The following TMEM161B variants were observed in gnomAD, a reference collection of about 807,000 sequenced individuals.
TMEM161B encodes transmembrane protein 161B.
TMEM161B carries 34 observed loss-of-function variants against 61.8 expected under a neutral mutation model. The observed-to-expected ratio is 0.55, with a 90% CI of 0.42 to 0.73. TMEM161B has a LOEUF of 0.73. Ranked by LOEUF, TMEM161B falls within the 30% of genes least tolerant of loss-of-function variation. TMEM161B has a pLI of 0.00. For missense variants in TMEM161B, 456 were observed against 558.5 expected (o/e 0.82, Z 1.85); for synonymous variants, 167 against 192.8 (o/e 0.87, Z 1.11).
At position 88,228,363 on chromosome 5, in the gene TMEM161B, T is replaced by C. The variant is rs1263503481; in HGVS notation, c.191+82A>G. 2.2e-5 allele frequency: 23 copies of C among 1,050,426 alleles called. No individual in the cohort carries two copies. The East Asian group carries it at 4.5e-4, about 21-fold the overall frequency. The allele number at this position is 1,050,426 out of a possible 1,614,324, so 65.1% of individuals were successfully genotyped here. On this transcript the variant is annotated intron_variant, in intron 3 of 11. Transcript: ENST00000296595. Reference sequence around the variant, plus strand: ...AACTACTTACAACATAATTGGTACATGTTTCTTTAATCAAAGCATAAAAAT... The same window carrying C: ...AACTACTTACAACATAATTGGTACACGTTTCTTTAATCAAAGCATAAAAAT...
At chr5:88,261,730 CAAAA>C (rs70996464) in intron 1 of TMEM161B, among the ~76,000 whole-genome samples, 2 of 49,290 alleles carry the variant, frequency 4.1e-5, no homozygotes, top group African/African-American at 9.0e-5. Context: ...CATTCATGTG[CAAAA>C]AAAAAAAAAA....
chr5:88,251,653 C>T (rs1318386211), intron 1 of TMEM161B, among the ~76,000 whole-genome samples: 1 of 152,024 alleles, frequency 6.6e-6, no homozygotes, highest in Non-Finnish European at 1.5e-5. Context: ...CATAATTTTG[C>T]AAAGGTAGTT....
chr5:88,211,136 A>C (rs892875993), intron 5 of TMEM161B, among the ~76,000 whole-genome samples: 1 of 152,114 alleles, frequency 6.6e-6, no homozygotes, highest in Non-Finnish European at 1.5e-5. Flanking sequence ...GATGTATTAG[A>C]GTATCACATC....
chr5:88,205,899 T>A lies in TMEM161B; in HGVS notation c.715A>T (p.Ile239Phe), dbSNP rs757415563. The change falls in exon 8 of 12, where the codon ATT (isoleucine) becomes TTT (phenylalanine). Residue 239 changes from isoleucine (I) to phenylalanine (F), a missense_variant. Transcript: ENST00000296595. ...CCAGGAAATGTCAAAAAAGCCCCAATGAATGAACAGAAAATAGCCAGGAAA... is the reference window on the plus strand; with the variant it reads ...CCAGGAAATGTCAAAAAAGCCCCAAAGAATGAACAGAAAATAGCCAGGAAA... ...KFFLAIFCSF[I>F]GAFLTFPGLR... The A allele has an allele frequency of 1.2e-6, 2 of 1,612,546 alleles. No homozygotes were observed. Among genetic ancestry groups the A allele is most frequent in the South Asian group, 2.2e-5 (2 of 90,704 alleles).
At chr5:88,213,379 T>C (rs1396283111) in intron 5 of TMEM161B, among the ~76,000 whole-genome samples, 2 of 152,082 alleles carry the variant, frequency 1.3e-5, no homozygotes, top group East Asian at 1.9e-4. Context: ...GCAGTTTCCA[T>C]TACTTTAATT....
intron 1 of TMEM161B, among the ~76,000 whole-genome samples, chr5:88,243,016 GAAAA>G (rs1254311486): frequency 6.6e-6 from 1 of 151,464 alleles, no homozygotes; most frequent in Non-Finnish European, 1.5e-5. Flanking sequence ...ATTTAAAAAA[GAAAA>G]AATATGTACA....
intron 6 of TMEM161B, 66 bp from the exon 7 acceptor site, chr5:88,206,565 C>T (rs2112418457): frequency 2.2e-6 from 3 of 1,383,908 alleles, no homozygotes; most frequent in Admixed American, 5.1e-5. Context: ...AGAATCTTTC[C>T]ATGGAAATAA....
chr5:88,187,056 T>C (rs1748396605), downstream of TMEM161B, among the ~76,000 whole-genome samples: 1 of 152,230 alleles, frequency 6.6e-6, no homozygotes, highest in Non-Finnish European at 1.5e-5. Context: ...GAGGTGGGGA[T>C]TGAGGTTCAT....
At chr5:88,221,866 A>G (rs1580489230) in intron 4 of TMEM161B, 2 of 410,942 alleles carry the variant, frequency 4.9e-6, no homozygotes, top group East Asian at 1.4e-4. Context: ...GTCATGAAAT[A>G]TAATGCAATT....
chr5:88,263,623 G>A (rs984370622), intron 1 of TMEM161B, among the ~76,000 whole-genome samples: 1 of 152,022 alleles, frequency 6.6e-6, no homozygotes, highest in Non-Finnish European at 1.5e-5. Flanking sequence ...TTACTAACAT[G>A]GGCAAAACCA....
At chr5:88,225,113 G>A (rs574596822) in intron 4 of TMEM161B, among the ~76,000 whole-genome samples, 3 of 151,760 alleles carry the variant, frequency 2.0e-5, no homozygotes, top group Non-Finnish European at 2.9e-5. Flanking sequence ...GACTACAGGC[G>A]CCTGCCACCA....
intron 4 of TMEM161B, chr5:88,221,512 T>C (rs1013059158): frequency 1.0e-5 from 3 of 290,398 alleles, no homozygotes; most frequent in Non-Finnish European, 2.1e-5. Flanking sequence ...AAAAATAAAA[T>C]AATAAACTAA....
At chr5:88,219,111 A>G (rs757993189) in intron 5 of TMEM161B, among the ~76,000 whole-genome samples, 1 of 152,196 alleles carries the variant, frequency 6.6e-6, no homozygotes, top group East Asian at 1.9e-4. Flanking sequence ...AACTCTACTC[A>G]AGATGAAATT....
chr5:88,196,009 A>G lies in TMEM161B; in HGVS notation c.*202T>C. Reference sequence around the variant, plus strand: ...TAAAATTCCAATGCCACAGTGTAACAGTTAACAATCTATTTTGTAATTTTA... The same window carrying G: ...TAAAATTCCAATGCCACAGTGTAACGGTTAACAATCTATTTTGTAATTTTA... On this transcript the variant is annotated 3_prime_UTR_variant, in exon 12 of 12. Coordinates refer to ENST00000296595, the MANE Select transcript of TMEM161B (RefSeq NM_153354.5). 7.4e-7 allele frequency: 1 copy of G among 1,359,280 alleles called. No individual in the cohort carries two copies. Among genetic ancestry groups the G allele is most frequent in the Middle Eastern group, 2.7e-4 (1 of 3,646 alleles). The allele number at this position is 1,359,280 out of a possible 1,614,324, so 84.2% of individuals were successfully genotyped here. A position where few individuals can be genotyped will look rare whatever the true frequency, so the allele number is the denominator to read the frequency against.
chr5:88,231,432 G>A (rs1167973383), intron 2 of TMEM161B, among the ~76,000 whole-genome samples: 1 of 152,170 alleles, frequency 6.6e-6, no homozygotes, highest in African/African-American at 2.4e-5. Flanking sequence ...AGTATACTCA[G>A]TTGGTTTCAG....
chr5:88,211,802 T>C (rs1580422617), intron 5 of TMEM161B, among the ~76,000 whole-genome samples: 1 of 146,592 alleles, frequency 6.8e-6, no homozygotes, highest in Non-Finnish European at 1.5e-5. Context: ...CAAAAACTGA[T>C]GATGAGAGGT....
intron 9 of TMEM161B, chr5:88,202,505 CA>C (rs1744615346): frequency 5.4e-6 from 1 of 184,530 alleles, no homozygotes; most frequent in Non-Finnish European, 1.1e-5. Flanking sequence ...TAATTTACTT[CA>C]AAAATCCTTC....
chr5:88,268,558 G>A (rs919281319), intron 1 of TMEM161B, among the ~76,000 whole-genome samples, 163 bp downstream of exon 1: 3 of 152,180 alleles, frequency 2.0e-5, no homozygotes, highest in Non-Finnish European at 4.4e-5. Flanking sequence ...TGCTTCCTCA[G>A]GGGCTCAGAC....
intron 4 of TMEM161B, among the ~76,000 whole-genome samples, chr5:88,224,778 C>G (rs185065): frequency 0.42 from 64,461 of 151,828 alleles, 15,273 homozygotes; most frequent in East Asian, 0.59. Flanking sequence ...CCTCTTCTTC[C>G]TTCTCCTCCT....
Sources: allele counts gnomAD v4.1 joint callset (sites outside exome capture counted in the v4.1 genomes callset), GRCh38; gene constraint gnomAD v4.1.1; transcripts MANE v1.5; gene names NCBI Gene and HGNC (gene_info 2026-07-23, HGNC 2026-07-21).